Variants in OSBPL3 observed in about 807,000 individuals in gnomAD.
OSBPL3 encodes the protein oxysterol binding protein like 3.
A neutral mutation model predicts 120.1 loss-of-function variants in OSBPL3; 65 were observed. That is an observed-to-expected ratio of 0.54 (90% confidence interval 0.44 to 0.67). The LOEUF (loss-of-function observed/expected upper bound fraction) is 0.67, where lower values mean the gene tolerates loss of function less well. Among genes scored for constraint, OSBPL3 ranks in the 30% least tolerant of loss-of-function variants. OSBPL3 has a pLI of 0.00. For synonymous variants in OSBPL3, 416 were observed against 402.6 expected (o/e 1.03, Z -0.40); for missense variants, 1,004 against 1,082.1 (o/e 0.93, Z 1.01).
rs780643385 is a variant in OSBPL3, at chr7:24,854,537, CAA to C, written c.1028-1905_1028-1904del. ...ACACACACACACACACACACACACA[CAA>C]ACACACACAATGGTGCTGCCTCTGC... On this transcript the variant is annotated intron_variant, in intron 10 of 22. Coordinates refer to ENST00000313367, the MANE Select transcript of OSBPL3 (RefSeq NM_015550.4). This position sits in a 1 kb window ranked among gnomAD's most constrained non-coding sequence, Gnocchi z 4.1. 0.014 allele frequency among the ~76,000 whole-genome samples: 2,143 copies of C among 147,954 alleles called. 41 individuals are homozygous for C. The highest frequency in any genetic ancestry group is 0.084 in the East Asian group (416 of 4,948).
At chr7:24,921,134 T>G (rs1810328751) in intron 1 of OSBPL3, among the ~76,000 whole-genome samples, 1 of 152,080 alleles carries the variant, frequency 6.6e-6, no homozygotes, top group South Asian at 2.1e-4. Context: ...ACTTTCAAAC[T>G]CTGAAACAAT....
chr7:24,934,954 C>T (rs1812226077), intron 1 of OSBPL3, among the ~76,000 whole-genome samples: 1 of 152,076 alleles, frequency 6.6e-6, no homozygotes, highest in South Asian at 2.1e-4. Context: ...TGTATGTAGC[C>T]ATTTAAAATG....
At chr7:24,807,081 C>A (rs1167139938) in intron 20 of OSBPL3, among the ~76,000 whole-genome samples, 179 bp from the exon 21 acceptor site, 1 of 152,214 alleles carries the variant, frequency 6.6e-6, no homozygotes, top group Non-Finnish European at 1.5e-5. Context: ...ATTTTCTTCT[C>A]TATAATTTTT....
At chr7:24,880,184 A>C (rs979795267) in intron 2 of OSBPL3, among the ~76,000 whole-genome samples, 16 of 152,178 alleles carry the variant, frequency 1.1e-4, no homozygotes, top group Admixed American at 2.0e-4. Context: ...TCTATAATGA[A>C]AGCATTATTA....
rs1037340802 is a variant in OSBPL3, at chr7:24,818,958, A to G, written c.1948+1217T>C. Among the ~76,000 whole-genome samples, 1 of 152,188 alleles carries G rather than the reference A, an allele frequency of 6.6e-6. No homozygotes were observed. Among genetic ancestry groups the G allele is most frequent in the Non-Finnish European group, 1.5e-5 (1 of 68,024 alleles). On this transcript the variant is annotated intron_variant, in intron 17 of 22. Transcript: ENST00000313367. This position sits in a 1 kb window ranked among gnomAD's most constrained non-coding sequence, Gnocchi z 4.0. Reference sequence around the variant, plus strand: ...TTTGAGAAGACCCCTCGCATTAAAAAAAAATCCAACTTTTGGCTGGGCGCA... The same window carrying G: ...TTTGAGAAGACCCCTCGCATTAAAAGAAAATCCAACTTTTGGCTGGGCGCA...
chr7:24,832,503 C>A (rs1796504645), intron 15 of OSBPL3, among the ~76,000 whole-genome samples: 2 of 124,828 alleles, frequency 1.6e-5, no homozygotes, highest in South Asian at 2.5e-4. Context: ...GAGAGAGACT[C>A]TGCCTCAAAG....
chr7:24,909,705 A>G (rs1009838530), intron 1 of OSBPL3, among the ~76,000 whole-genome samples: 1 of 151,768 alleles, frequency 6.6e-6, no homozygotes, highest in Non-Finnish European at 1.5e-5. Flanking sequence ...TTCCTGTGCC[A>G]GAAACAGGAA....
Position 24,883,930 on chromosome 7 carries a change from G to A in OSBPL3, c.96+8447C>T, listed in dbSNP as rs1401424341. Among the ~76,000 whole-genome samples, 1 of 152,122 alleles carries A rather than the reference G, an allele frequency of 6.6e-6. No individual in the cohort carries two copies. The highest frequency in any genetic ancestry group is 1.9e-4 in the East Asian group (1 of 5,194). On this transcript the variant is annotated intron_variant, in intron 2 of 22. Coordinates refer to ENST00000313367, the MANE Select transcript of OSBPL3 (RefSeq NM_015550.4). The surrounding 1 kb of genome is among the most constrained non-coding windows in gnomAD (Gnocchi z 5.4). ...ATTTCTTCAGCCTTCCTGCCTCTGAGGTATGTTATAACCATAGGGGTGGCT... is the reference window on the plus strand; with the variant it reads ...ATTTCTTCAGCCTTCCTGCCTCTGAAGTATGTTATAACCATAGGGGTGGCT...
rs1795800909 is a variant in OSBPL3, at chr7:24,827,092, C to T, written c.1884+3676G>A. 6.6e-6 allele frequency among the ~76,000 whole-genome samples: 1 copy of T among 152,318 alleles called. No homozygotes were observed. Among genetic ancestry groups the T allele is most frequent in the African/African-American group, 2.4e-5 (1 of 41,564 alleles). On this transcript the variant is annotated intron_variant, in intron 16 of 22. Transcript: ENST00000313367. This position sits in a 1 kb window ranked among gnomAD's most constrained non-coding sequence, Gnocchi z 5.1. ...TCATTATCCTCCTTAGAAAAAAATT[C>T]CACCCAAAAATATTAATTCGGGGGG...
rs546161090 is a variant in OSBPL3 at position 24,804,600 on chromosome 7, A to C, written c.2445-163T>G. On this transcript the variant is annotated intron_variant, in intron 21 of 22. Transcript: ENST00000313367. This position sits in a 1 kb window ranked among gnomAD's most constrained non-coding sequence, Gnocchi z 5.4. ...ATCCGTATCTTGAAGTAGTCAGAGA[A>C]GATATTTTTTTGAATTGGTGATATT... Among the ~76,000 whole-genome samples, 11 of 152,342 alleles carry C rather than the reference A, an allele frequency of 7.2e-5. No individual in the cohort carries two copies. Among genetic ancestry groups the C allele is most frequent in the African/African-American group, 2.6e-4 (11 of 41,584 alleles).
chr7:24,808,289 C>T lies in OSBPL3; in HGVS notation c.2318-1387G>A, dbSNP rs1793319446. On this transcript the variant is annotated intron_variant, in intron 20 of 22. Coordinates refer to ENST00000313367, the MANE Select transcript of OSBPL3 (RefSeq NM_015550.4). This position sits in a 1 kb window ranked among gnomAD's most constrained non-coding sequence, Gnocchi z 4.6. ...AAGCATAAAAATAGTAGCAAAGTTTCCTATGGTGTCTTGGTCAGCTCCCCA... is the reference window on the plus strand; with the variant it reads ...AAGCATAAAAATAGTAGCAAAGTTTTCTATGGTGTCTTGGTCAGCTCCCCA... Among the ~76,000 whole-genome samples, 1 of 152,110 alleles carries T rather than the reference C, an allele frequency of 6.6e-6. No individual in the cohort carries two copies. Among genetic ancestry groups the T allele is most frequent in the African/African-American group, 2.4e-5 (1 of 41,424 alleles).
chr7:24,895,538 G>A (rs918038842), intron 1 of OSBPL3, among the ~76,000 whole-genome samples: 2 of 152,166 alleles, frequency 1.3e-5, no homozygotes, highest in African/African-American at 4.8e-5. Flanking sequence ...CTTAAAACAG[G>A]GAAGAATAAA....
chr7:24,884,984 A>G (rs1804276740), intron 2 of OSBPL3, among the ~76,000 whole-genome samples: 1 of 152,128 alleles, frequency 6.6e-6, no homozygotes, highest in African/African-American at 2.4e-5. Context: ...ACATTATGAA[A>G]TTGAAAGAAA....
rs1024233513 is a variant in OSBPL3, at chr7:24,952,305, TTTTTA to T, written c.-150+27576_-150+27580del. 2.0e-5 allele frequency among the ~76,000 whole-genome samples: 3 copies of T among 152,174 alleles called. No homozygotes were observed. The highest frequency in any genetic ancestry group is 4.8e-5 in the African/African-American group (2 of 41,432). ...CTAAGCACAACATAAATAGTCCAAC[TTTTTA>T]TTTTAAGGACAGAGAAACTGAGGCC... On this transcript the variant is annotated intron_variant, in intron 1 of 22. Coordinates refer to ENST00000313367, the MANE Select transcript of OSBPL3 (RefSeq NM_015550.4). The surrounding 1 kb of genome is among the most constrained non-coding windows in gnomAD (Gnocchi z 4.4).
intron 1 of OSBPL3, among the ~76,000 whole-genome samples, chr7:24,910,786 C>G (rs1392575591): frequency 6.6e-6 from 1 of 152,102 alleles, no homozygotes; most frequent in East Asian, 1.9e-4. Context: ...TGCAGGGAGC[C>G]GTGAAGATGT....
At chr7:24,846,989 G>A (rs1328674216) in intron 12 of OSBPL3, among the ~76,000 whole-genome samples, 2 of 151,322 alleles carry the variant, frequency 1.3e-5, no homozygotes, top group Admixed American at 6.6e-5. Context: ...GAACCCGGGA[G>A]GCGGAGCTGG....
rs755705191 is a variant in OSBPL3 at position 24,870,716 on chromosome 7, T to C, written c.381+16A>G. The C allele has an allele frequency of 1.3e-5, 19 of 1,464,660 alleles. No homozygotes were observed. The highest frequency in any genetic ancestry group is 1.5e-5 in the Non-Finnish European group (16 of 1,043,454). 90.7% of individuals were successfully genotyped at this position (1,464,660 alleles called of 1,614,324 possible). A position where few individuals can be genotyped will look rare whatever the true frequency, so the allele number is the denominator to read the frequency against. Reference sequence around the variant, plus strand: ...CCCAACATAAGTGAACTCTGCACAGTGGGAAGCAGCCTCACCTTCAGATGG... The same window carrying C: ...CCCAACATAAGTGAACTCTGCACAGCGGGAAGCAGCCTCACCTTCAGATGG... On this transcript the variant is annotated intron_variant, in intron 5 of 22. Coordinates refer to ENST00000313367, the MANE Select transcript of OSBPL3 (RefSeq NM_015550.4).
At chr7:24,910,371 G>A (rs1212461278) in intron 1 of OSBPL3, among the ~76,000 whole-genome samples, 1 of 152,052 alleles carries the variant, frequency 6.6e-6, no homozygotes, top group African/African-American at 2.4e-5. Context: ...ATCAGAAATG[G>A]GCTGAGTTTT....
At position 24,819,627 on chromosome 7, in the gene OSBPL3, T is replaced by C. The variant is rs181511264; in HGVS notation, c.1948+548A>G. ...ATTTTTAAAATGTATATGTGCTCAC[T>C]GTCCAAAAACCTAGGATGCTTATAT... On this transcript the variant is annotated intron_variant, in intron 17 of 22. Coordinates refer to ENST00000313367, the MANE Select transcript of OSBPL3 (RefSeq NM_015550.4). The surrounding 1 kb of genome is among the most constrained non-coding windows in gnomAD (Gnocchi z 4.1). Among the ~76,000 whole-genome samples, 4 of 152,316 alleles carry C rather than the reference T, an allele frequency of 2.6e-5. No individual in the cohort carries two copies. Among genetic ancestry groups the C allele is most frequent in the Admixed American group, 2.6e-4 (4 of 15,290 alleles).
Sources: gnomAD v4.1 joint callset for allele counts (sites outside exome capture counted in the v4.1 genomes callset) on GRCh38, gnomAD v4.1.1 for gene constraint, Gnocchi (gnomAD v3.1) non-coding constraint, MANE v1.5 for transcripts, NCBI Gene and HGNC (gene_info 2026-07-23, HGNC 2026-07-21) for gene names.